The following COL15A1 variants were observed in gnomAD, a reference collection of about 807,000 sequenced individuals.
The protein encoded by COL15A1 is collagen type XV alpha 1 chain.
A neutral mutation model predicts 165.9 loss-of-function variants in COL15A1; 111 were observed. The ratio of observed to expected loss-of-function variants is 0.67; its 90% CI spans 0.57 to 0.78. COL15A1 has a LOEUF of 0.78. Ranked by LOEUF, COL15A1 falls within the 30% of genes least tolerant of loss-of-function variation. COL15A1 has a pLI of 0.00. For synonymous variants in COL15A1, 659 were observed against 674.8 expected, an observed-to-expected ratio of 0.98 and a Z score of 0.36; for missense variants, 1,745 against 1,789.7, an observed-to-expected ratio of 0.98 and a Z score of 0.45.
intron 7 of COL15A1, 53 bp downstream of exon 7, chr9:99,001,004 A>G (rs1838643031): frequency 1.2e-6 from 1 of 859,136 alleles, no homozygotes; most frequent in Middle Eastern, 2.2e-4. Context: ...TTGTTTGCTT[A>G]TTTCAAACTT....
Position 99,036,181 on chromosome 9 carries a change from A to T in COL15A1, c.2301A>T (p.Gly767=). 6.2e-7 allele frequency: 1 copy of T among 1,611,382 alleles called. No homozygotes were observed. The highest frequency in any genetic ancestry group is 1.3e-5 in the African/African-American group (1 of 74,796). The change falls in exon 20 of 42, where the codon GGA becomes GGT. Residue 767 remains glycine, a synonymous_variant. Coordinates refer to ENST00000375001, the MANE Select transcript of COL15A1 (RefSeq NM_001855.5). ...SRPTAAIGLK[G]EKGDRGPKGE... is the part of the protein sequence containing the mutation. ...GTTTATTTTTCCAGGGTCTCAAAGG[A>T]GAGAAAGGAGACCGGGGACCCAAGG...
intron 26 of COL15A1, among the ~76,000 whole-genome samples, chr9:99,047,002 G>A (rs759014934): frequency 2.4e-4 from 37 of 152,212 alleles, no homozygotes; most frequent in Non-Finnish European, 4.7e-4. Flanking sequence ...GACTTGGAGT[G>A]CCCCAGGCTT....
Position 99,024,984 on chromosome 9 carries a change from T to C in COL15A1, c.1965T>C (p.Gly655=). Residue 655 remains glycine (G), a synonymous_variant, in exon 15 of 42, where the codon GGT becomes GGC. Transcript: ENST00000375001. ...PGSPGEDGPA[G]EPGPPGPEGQ... ...CTCCTGGAGAGGATGGACCTGCTGG[T>C]GAACCTGGGCCCCCGGTGAGCAACT... 1 of 1,613,590 alleles carries C rather than the reference T, an allele frequency of 6.2e-7. No homozygotes were observed. The highest frequency in any genetic ancestry group is 8.5e-7 in the Non-Finnish European group (1 of 1,179,760).
chr9:99,049,633 T>C, intron 28 of COL15A1, 57 bp from the exon 29 acceptor site: 1 of 1,604,734 alleles, frequency 6.2e-7, no homozygotes, highest in East Asian at 2.2e-5. Context: ...GTCCTGTGGC[T>C]GCCCCTGCAT....
At chr9:98,999,330 G>C (rs949140355) in intron 6 of COL15A1, among the ~76,000 whole-genome samples, 1 of 148,306 alleles carries the variant, frequency 6.7e-6, no homozygotes, top group Non-Finnish European at 1.5e-5. Context: ...GGTCACACCT[G>C]TCATGGGGTG....
At chr9:99,056,771 C>A (rs1342517041) in intron 35 of COL15A1, among the ~76,000 whole-genome samples, 2 of 152,190 alleles carry the variant, frequency 1.3e-5, no homozygotes, top group African/African-American at 4.8e-5. Context: ...CCAGATTTGC[C>A]TATTCTGGAC....
intron 5 of COL15A1, among the ~76,000 whole-genome samples, chr9:98,992,214 C>T (rs895557202): frequency 6.6e-6 from 1 of 152,244 alleles, no homozygotes; most frequent in Admixed American, 6.5e-5. Flanking sequence ...CCAGGGGGCT[C>T]GGGCATGGCA....
intron 2 of COL15A1, among the ~76,000 whole-genome samples, chr9:98,964,972 T>A (rs1299317614): frequency 6.6e-6 from 1 of 152,182 alleles, no homozygotes; most frequent in Non-Finnish European, 1.5e-5. Flanking sequence ...TCACACAAGC[T>A]CATCTGTTGG....
rs756514581 is a variant in COL15A1, at chr9:99,004,917, G to A, written c.1220G>A (p.Arg407His). ...ATTCAGGGTCCAGATAATGAAGAGC[G>A]TTTAGCAGCAACAGCAGCAGGGGAG... ...GVTPGPDNEE[R>H]LAATAAGEAE... The change falls in exon 9 of 42, where the codon CGT becomes CAT. Residue 407 changes from arginine to histidine, a missense_variant. By Grantham distance (29) the Arg-to-His change is conservative. Coordinates refer to ENST00000375001, the MANE Select transcript of COL15A1 (RefSeq NM_001855.5). 6.8e-6 allele frequency: 11 copies of A among 1,613,996 alleles called. No homozygotes were observed. The highest frequency in any genetic ancestry group is 9.3e-6 in the Non-Finnish European group (11 of 1,179,990).
At chr9:99,038,559 T>A (rs1392353109) in intron 21 of COL15A1, 109 bp from the exon 22 acceptor site, 2 of 709,344 alleles carry the variant, frequency 2.8e-6, no homozygotes, top group African/African-American at 1.7e-5. Context: ...GTTCTCAGTG[T>A]CTGCGGTGTT....
chr9:99,069,791 A>G lies in COL15A1; in HGVS notation c.4072A>G (p.Thr1358Ala), dbSNP rs1825955331. Residue 1358 changes from threonine (T) to alanine (A), a missense_variant, in exon 42 of 42, where the codon ACG becomes GCG. Transcript: ENST00000375001. ...CACGGGACTTGCCTCCCCGCTGAGCACGGGGAAGATTCTGGACCAGAAAGC... is the reference window on the plus strand; with the variant it reads ...CACGGGACTTGCCTCCCCGCTGAGCGCGGGGAAGATTCTGGACCAGAAAGC... Reference protein sequence around the residue: ...AVTGLASPLSTGKILDQKAYS... With the variant: ...AVTGLASPLSAGKILDQKAYS... 6.2e-7 allele frequency: 1 copy of G among 1,614,256 alleles called. No homozygotes were observed. Among genetic ancestry groups the G allele is most frequent in the Non-Finnish European group, 8.5e-7 (1 of 1,180,046 alleles).
chr9:99,057,335 A>G (rs1048707606), intron 35 of COL15A1, among the ~76,000 whole-genome samples: 2 of 152,174 alleles, frequency 1.3e-5, no homozygotes, highest in Non-Finnish European at 2.9e-5. Context: ...TGTGAGTGGA[A>G]ACTTCCTGGC....
intron 9 of COL15A1, among the ~76,000 whole-genome samples, chr9:99,009,404 C>T (rs1588513042): frequency 6.6e-6 from 1 of 152,210 alleles, no homozygotes. Context: ...AAATATAATC[C>T]AAAGAAGGTT....
chr9:98,988,286 C>T (rs1420082443), intron 4 of COL15A1, among the ~76,000 whole-genome samples: 1 of 152,192 alleles, frequency 6.6e-6, no homozygotes, highest in African/African-American at 2.4e-5. Context: ...GTGGTCCCAG[C>T]CTGACAGTCA....
intron 28 of COL15A1, 63 bp downstream of exon 28, chr9:99,048,063 C>A: frequency 1.1e-6 from 1 of 873,902 alleles, no homozygotes; most frequent in Non-Finnish European, 1.9e-6. Context: ...AGTGTGGGGT[C>A]CACAGAGCAG....
chr9:99,010,477 G>A (rs528987491), intron 9 of COL15A1, among the ~76,000 whole-genome samples: 1 of 152,352 alleles, frequency 6.6e-6, no homozygotes, highest in Admixed American at 6.5e-5. Context: ...AAGAGACAGT[G>A]AGAAGGGGAG....
chr9:99,051,672 G>A (rs2117889332), intron 30 of COL15A1, among the ~76,000 whole-genome samples: 1 of 152,276 alleles, frequency 6.6e-6, no homozygotes, highest in Non-Finnish European at 1.5e-5. Flanking sequence ...GATGGCCCCT[G>A]AGCAGCTTGT....
chr9:99,006,975 C>T (rs1838772995), intron 9 of COL15A1, among the ~76,000 whole-genome samples: 1 of 152,266 alleles, frequency 6.6e-6, no homozygotes, highest in African/African-American at 2.4e-5. Context: ...ACAACATGTG[C>T]CCAAGGTGGT....
At chr9:98,948,596 C>CATAA (rs370518042) in intron 2 of COL15A1, among the ~76,000 whole-genome samples, 1 of 100,538 alleles carries the variant, frequency 9.9e-6, no homozygotes, top group African/African-American at 3.8e-5. Flanking sequence ...GACTCTGTCT[C>CATAA]AAAAAAAAAA....
Sources: allele counts gnomAD v4.1 joint callset (sites outside exome capture counted in the v4.1 genomes callset), GRCh38; gene constraint gnomAD v4.1.1; transcripts MANE v1.5; gene names NCBI Gene and HGNC (gene_info 2026-07-23, HGNC 2026-07-21).